FGF3: variants seen among roughly 807,000 people sequenced by gnomAD.
FGF3 encodes fibroblast growth factor 3.
Under a neutral mutation model 9.8 loss-of-function variants are expected in FGF3, and 7 were observed. The observed-to-expected ratio is 0.72, with a 90% CI of 0.41 to 1.35. The LOEUF is 1.35. FGF3 is among the 40% of genes most tolerant of loss of function. The pLI, the probability that FGF3 is intolerant of heterozygous loss-of-function variation, is 0.01. For synonymous variants in FGF3, 173 were observed against 157.2 expected (o/e 1.10, Z -0.75); for missense variants, 390 against 345.6 (o/e 1.13, Z -1.02).
chr11:69,810,550 C>G lies in FGF3; in HGVS notation c.475G>C (p.Gly159Arg), dbSNP rs138021053. 5.6e-6 allele frequency: 9 copies of G among 1,612,788 alleles called. No individual in the cohort carries two copies. The highest frequency in any genetic ancestry group is 5.0e-5 in the Admixed American group (3 of 60,000). Residue 159 changes from glycine (G) to arginine (R), a missense_variant, in exon 3 of 3, where the codon GGC becomes CGC. Transcript: ENST00000334134. ...AAGCCCCTGCGGGGCCGGCCCTTGC[C>G]GTTCACAGACACGTACCACAGTCTC... ...AERLWYVSVNGKGRPRRGFKT... is the reference protein window; with the variant it reads ...AERLWYVSVNRKGRPRRGFKT...
rs2119941233 is a variant in FGF3 at position 69,818,965 on chromosome 11, G to T, written c.-32C>A. 6 of 1,378,306 alleles carry T rather than the reference G, an allele frequency of 4.4e-6. No individual in the cohort carries two copies. The highest frequency in any genetic ancestry group is 1.4e-5 in the South Asian group (1 of 72,226). The allele number at this position is 1,378,306 out of a possible 1,614,324, so 85.4% of individuals were successfully genotyped here. A position where few individuals can be genotyped will look rare whatever the true frequency, so the allele number is the denominator to read the frequency against. On this transcript the variant is annotated 5_prime_UTR_variant, in exon 1 of 3. Coordinates refer to ENST00000334134, the MANE Select transcript of FGF3 (RefSeq NM_005247.4). ...ATCGCGCCCGCCCCGCGGCGGCGGC[G>T]GCTGCAGGCGAGCGCGGCGCCCATG...
At chr11:69,811,909 C>A (rs1482943872) in intron 2 of FGF3, among the ~76,000 whole-genome samples, 1 of 152,226 alleles carries the variant, frequency 6.6e-6, no homozygotes, top group Non-Finnish European at 1.5e-5. Flanking sequence ...GGAGCTTACA[C>A]CAACATCCCC....
chr11:69,818,711 C>A lies in FGF3; in HGVS notation c.220+3G>T. ...CCGGGGCCCCGCAGCGTCCGGCACT[C>A]ACTGTAGGCGCTGTTCTCCAGGCTG... On this transcript the variant is annotated splice_donor_region_variant and intron_variant, in intron 1 of 2. Transcript: ENST00000334134. 1 of 1,478,878 alleles carries A rather than the reference C, an allele frequency of 6.8e-7. No homozygotes were observed. The highest frequency in any genetic ancestry group is 1.3e-5 in the South Asian group (1 of 78,426). 91.6% of individuals were successfully genotyped at this position (1,478,878 alleles called of 1,614,324 possible). A position where few individuals can be genotyped will look rare whatever the true frequency, so the allele number is the denominator to read the frequency against.
At chr11:69,812,009 A>G (rs1262363086) in intron 2 of FGF3, among the ~76,000 whole-genome samples, 1 of 152,196 alleles carries the variant, frequency 6.6e-6, no homozygotes, top group Non-Finnish European at 1.5e-5. Flanking sequence ...TGCCTTATGC[A>G]GACCCACTAG....
At chr11:69,815,066 G>T (rs1299031456) in intron 2 of FGF3, among the ~76,000 whole-genome samples, 2 of 151,852 alleles carry the variant, frequency 1.3e-5, no homozygotes, top group African/African-American at 4.8e-5. Context: ...TGGGTGGGTG[G>T]ATAGGTGGAT....
At chr11:69,817,281 C>G (rs937317727) in intron 1 of FGF3, among the ~76,000 whole-genome samples, 8 of 152,156 alleles carry the variant, frequency 5.3e-5, no homozygotes, top group Non-Finnish European at 1.0e-4. Flanking sequence ...TCCTGGCACG[C>G]GGTCCGAGCA....
In FGF3 at chr11:69,816,227, C is replaced by T. The variant is rs1856130195; in HGVS notation, c.324+93G>A. 4.0e-6 allele frequency: 4 copies of T among 995,706 alleles called. No individual in the cohort carries two copies. The Admixed American group carries it at 5.1e-5, about 13-fold the overall frequency. 61.7% of individuals were successfully genotyped at this position (995,706 alleles called of 1,614,324 possible). The stretch of plus-strand genomic sequence containing the variant: ...TGGGTCCCGTGTACCCTTGGCAAAG[C>T]ATTCTACTGCCCACATCCCCCGTCC... On this transcript the variant is annotated intron_variant, in intron 2 of 2. Coordinates refer to ENST00000334134, the MANE Select transcript of FGF3 (RefSeq NM_005247.4).
chr11:69,816,211 T>C (rs1302835923), intron 2 of FGF3, 109 bp downstream of exon 2: 33 of 890,668 alleles, frequency 3.7e-5, no homozygotes, highest in Admixed American at 5.2e-5. Context: ...TTGGGTCCCG[T>C]GTACCCTTGG....
intron 1 of FGF3, among the ~76,000 whole-genome samples, chr11:69,817,116 G>A (rs782260285): frequency 1.8e-4 from 28 of 151,944 alleles, no homozygotes; most frequent in Non-Finnish European, 3.1e-4. Flanking sequence ...CTCCCCTCCC[G>A]CCTTTCCTTC....
At chr11:69,817,109 C>G (rs1856145016) in intron 1 of FGF3, among the ~76,000 whole-genome samples, 1 of 152,186 alleles carries the variant, frequency 6.6e-6, no homozygotes, top group Non-Finnish European at 1.5e-5. Context: ...TTTAAATCTC[C>G]CCTCCCGCCT....
At position 69,818,929 on chromosome 11, in the gene FGF3, C is replaced by T; in HGVS notation, c.5G>A (p.Gly2Asp). Reference sequence around the variant, plus strand: ...GCTGAGCAGTAGCAGCCAGATTAGGCCCATCGTGGCATCGCGCCCGCCCCG... The same window carrying T: ...GCTGAGCAGTAGCAGCCAGATTAGGTCCATCGTGGCATCGCGCCCGCCCCG... M[G>D]LIWLLLLSLL... Residue 2 changes from glycine to aspartate, a missense_variant, in exon 1 of 3, where the codon GGC becomes GAC. Coordinates refer to ENST00000334134, the MANE Select transcript of FGF3 (RefSeq NM_005247.4). The T allele has an allele frequency of 6.8e-7, 1 of 1,466,420 alleles. No homozygotes were observed. The highest frequency in any genetic ancestry group is 9.0e-7 in the Non-Finnish European group (1 of 1,113,602). 90.8% of individuals were successfully genotyped at this position (1,466,420 alleles called of 1,614,324 possible).
At chr11:69,813,399 C>T (rs935874092) in intron 2 of FGF3, among the ~76,000 whole-genome samples, 2 of 152,212 alleles carry the variant, frequency 1.3e-5, no homozygotes, top group South Asian at 4.1e-4. Flanking sequence ...CTGGGGGATG[C>T]CTGCGCATCA....
chr11:69,812,826 C>T (rs1856050530), intron 2 of FGF3, among the ~76,000 whole-genome samples: 2 of 152,130 alleles, frequency 1.3e-5, no homozygotes, highest in Admixed American at 6.5e-5. Context: ...TGGGGGGCCA[C>T]TTGAGGGGTG....
At position 69,816,396 on chromosome 11, in the gene FGF3, A is replaced by G; in HGVS notation, c.248T>C (p.Val83Ala). The change falls in exon 2 of 3, where the codon GTG (valine) becomes GCG (alanine). Residue 83 changes from valine to alanine, a missense_variant. Transcript: ENST00000334134. ...YSILEITAVE[V>A]GIVAIRGLFS... ...GAGACCCCTGATGGCCACAATGCCC[A>G]CCTCCACTGCCGTTATCTCCAAAAT... The G allele has an allele frequency of 2.5e-6, 4 of 1,613,716 alleles. No individual in the cohort carries two copies. Among genetic ancestry groups the G allele is most frequent in the Non-Finnish European group, 1.7e-6 (2 of 1,179,864 alleles).
intron 2 of FGF3, among the ~76,000 whole-genome samples, chr11:69,812,639 G>C (rs143470121): frequency 2.6e-5 from 4 of 152,120 alleles, no homozygotes; most frequent in Non-Finnish European, 5.9e-5. Flanking sequence ...GGGAATGAGC[G>C]GGTGGGCTCA....
chr11:69,817,812 G>A (rs1401991849), intron 1 of FGF3, among the ~76,000 whole-genome samples: 2 of 152,190 alleles, frequency 1.3e-5, no homozygotes, highest in Non-Finnish European at 2.9e-5. Context: ...GTCCTCCCGG[G>A]CCCTGAGCTC....
intron 2 of FGF3, among the ~76,000 whole-genome samples, chr11:69,813,327 T>A (rs373781646): frequency 6.6e-5 from 10 of 152,278 alleles, no homozygotes; most frequent in East Asian, 3.9e-4. Context: ...AACCTCTGGA[T>A]GACAGCCCCC....
At chr11:69,813,844 T>TTGGCTGGATGGGTGGATGGGTGGATGGG (rs1565115090) in intron 2 of FGF3, among the ~76,000 whole-genome samples, 2 of 26,074 alleles carry the variant, frequency 7.7e-5, no homozygotes, top group East Asian at 1.4e-3. Flanking sequence ...GGATGGCTGG[T>TTGGCTGGATGGGTGGATGGGTGGATGGG]TGGATGGATG....
At chr11:69,812,540 G>A (rs1856045984) in intron 2 of FGF3, among the ~76,000 whole-genome samples, 1 of 152,150 alleles carries the variant, frequency 6.6e-6, no homozygotes, top group Non-Finnish European at 1.5e-5. Flanking sequence ...CTGAGGCCCA[G>A]GGGTGGTGCC....
Sources: gnomAD v4.1 joint callset for allele counts (sites outside exome capture counted in the v4.1 genomes callset) on GRCh38, gnomAD v4.1.1 for gene constraint, MANE v1.5 for transcripts, NCBI Gene and HGNC (gene_info 2026-07-23, HGNC 2026-07-21) for gene names.